VAV2: variants seen among roughly 807,000 people sequenced by gnomAD.
VAV2 encodes the protein vav guanine nucleotide exchange factor 2.
A neutral mutation model predicts 132.5 loss-of-function variants in VAV2; 67 were observed. The ratio of observed to expected loss-of-function variants is 0.51; its 90% confidence interval spans 0.42 to 0.62. VAV2 has a LOEUF of 0.62. Ranked by LOEUF, VAV2 falls within the 20% of genes least tolerant of loss-of-function variation. The pLI is 0.00. For missense variants in VAV2, 938 were observed against 1,153.6 expected (o/e 0.81, Z 2.71); for synonymous variants, 492 against 443.5 (o/e 1.11, Z -1.37).
chr9:133,894,432 A>C (rs1839113517), intron 2 of VAV2, among the ~76,000 whole-genome samples: 2 of 152,244 alleles, frequency 1.3e-5, no homozygotes, highest in South Asian at 4.1e-4. Flanking sequence ...AGGAGCCACA[A>C]GGATCACAGG....
At chr9:133,797,906 C>A in intron 9 of VAV2, 97 bp from the exon 10 acceptor site, 1 of 1,104,156 alleles carries the variant, frequency 9.1e-7, no homozygotes, top group Admixed American at 2.3e-5. Context: ...GCTGTAGGTG[C>A]GCAACCAACA....
chr9:133,816,201 C>T (rs924491449), intron 4 of VAV2, among the ~76,000 whole-genome samples: 8 of 152,216 alleles, frequency 5.3e-5, no homozygotes, highest in East Asian at 1.9e-4. Flanking sequence ...TTATTGAATT[C>T]GGTGAGTTCT....
In VAV2 at chr9:133,879,598, G is replaced by A. The variant is rs143907566; in HGVS notation, c.322-18166C>T. 7.2e-4 allele frequency among the ~76,000 whole-genome samples: 109 copies of A among 152,238 alleles called. No individual in the cohort carries two copies. The highest frequency in any genetic ancestry group is 1.3e-3 in the Admixed American group (20 of 15,302). On this transcript the variant is annotated intron_variant, in intron 2 of 29. Coordinates refer to ENST00000371850, the MANE Select transcript of VAV2 (RefSeq NM_001134398.2). This position sits in a 1 kb window ranked among gnomAD's most constrained non-coding sequence, Gnocchi z 4.4. Reference sequence around the variant, plus strand: ...TTACAGACCCACAGGGCAACCAAGTGCACATCTGAGTCCTCTGCCAAATGC... The same window carrying A: ...TTACAGACCCACAGGGCAACCAAGTACACATCTGAGTCCTCTGCCAAATGC...
At chr9:133,952,874 A>T (rs1272583225) in intron 1 of VAV2, among the ~76,000 whole-genome samples, 2 of 90,174 alleles carry the variant, frequency 2.2e-5, no homozygotes, top group Non-Finnish European at 4.6e-5. Flanking sequence ...CCCCCGGGAC[A>T]CCTAGAACCT....
At chr9:133,960,486 A>T (rs570894765) in intron 1 of VAV2, among the ~76,000 whole-genome samples, 1 of 152,160 alleles carries the variant, frequency 6.6e-6, no homozygotes, top group Non-Finnish European at 1.5e-5. Context: ...CATGCATGGG[A>T]GGAGTCATGA....
At chr9:133,795,439 T>C (rs1834669577) in intron 12 of VAV2, among the ~76,000 whole-genome samples, 2 of 151,804 alleles carry the variant, frequency 1.3e-5, no homozygotes, top group African/African-American at 4.8e-5. Flanking sequence ...ACAGGTGAGG[T>C]TAGGACTCGG....
chr9:133,931,059 A>G (rs1840670263), intron 2 of VAV2, among the ~76,000 whole-genome samples: 1 of 152,206 alleles, frequency 6.6e-6, no homozygotes, highest in Non-Finnish European at 1.5e-5. Flanking sequence ...GTGAGGCTGG[A>G]GTGAAGTGCA....
chr9:133,956,600 T>C (rs952001685), intron 1 of VAV2, among the ~76,000 whole-genome samples: 4 of 152,222 alleles, frequency 2.6e-5, no homozygotes, highest in African/African-American at 9.6e-5. Context: ...AGTTAGTTCC[T>C]GAGAAGTCAG....
chr9:133,874,647 C>T (rs756947681), intron 2 of VAV2, among the ~76,000 whole-genome samples: 52 of 151,952 alleles, frequency 3.4e-4, no homozygotes, highest in Non-Finnish European at 6.9e-4. Flanking sequence ...GTTCTGGCCT[C>T]CCCCACACCA....
At chr9:133,822,858 G>A (rs1264844963) in intron 4 of VAV2, among the ~76,000 whole-genome samples, 1 of 152,182 alleles carries the variant, frequency 6.6e-6, no homozygotes, top group Non-Finnish European at 1.5e-5. Flanking sequence ...GAATGTCCCG[G>A]GCCACAGCAC....
At chr9:133,872,749 T>G (rs1437994504) in intron 2 of VAV2, among the ~76,000 whole-genome samples, 1 of 146,160 alleles carries the variant, frequency 6.8e-6, no homozygotes, top group Non-Finnish European at 1.5e-5. Flanking sequence ...AGGCGGCCAC[T>G]CCAACCATGG....
chr9:133,888,671 T>C (rs2131962895), intron 2 of VAV2, among the ~76,000 whole-genome samples: 1 of 152,094 alleles, frequency 6.6e-6, no homozygotes, highest in South Asian at 2.1e-4. Flanking sequence ...AAGACCAACG[T>C]CCCCCAAACA....
chr9:133,860,405 T>A (rs1837549782), intron 3 of VAV2, among the ~76,000 whole-genome samples: 1 of 151,946 alleles, frequency 6.6e-6, no homozygotes. Context: ...TCCCCGTGGG[T>A]TTAGGAACAT....
At chr9:133,985,367 C>T (rs1171134657) in intron 1 of VAV2, among the ~76,000 whole-genome samples, 2 of 152,038 alleles carry the variant, frequency 1.3e-5, no homozygotes, top group Non-Finnish European at 2.9e-5. Flanking sequence ...CTGCAACCTC[C>T]GCCTTCCGGG....
At chr9:133,842,302 G>A (rs150195362) in intron 3 of VAV2, among the ~76,000 whole-genome samples, 123 of 152,350 alleles carry the variant, frequency 8.1e-4, no homozygotes, top group African/African-American at 2.8e-3. Context: ...GCCAAGGACC[G>A]TGTTCACCAG....
chr9:133,816,438 G>A (rs796551808), intron 4 of VAV2, among the ~76,000 whole-genome samples: 14 of 152,234 alleles, frequency 9.2e-5, no homozygotes, highest in Admixed American at 5.2e-4. Context: ...TTTTCTTATC[G>A]GAACTTCATA....
chr9:133,989,943 C>G (rs1360974250), intron 1 of VAV2, among the ~76,000 whole-genome samples: 5 of 152,266 alleles, frequency 3.3e-5, no homozygotes, highest in African/African-American at 1.2e-4. Context: ...CTCAGCGACA[C>G]AGGGCACTAC....
chr9:133,847,771 C>T (rs1406889425), intron 3 of VAV2, among the ~76,000 whole-genome samples: 1 of 152,192 alleles, frequency 6.6e-6, no homozygotes, highest in Admixed American at 6.5e-5. Context: ...TCAAGGGGAA[C>T]ATTTAATGAG....
rs146078250 is a variant in VAV2, at chr9:133,779,927, C to T, written c.1753G>A (p.Ala585Thr). ...TSPADLDASG[A>T]GPGPKMVAMQ... ...GGTCCAGAAGACTCACCTGGTCCCG[C>T]TCCGGAGGCGTCCTGTGAGGACAAG... Residue 585 changes from alanine to threonine, a missense_variant, in exon 21 of 30, where the codon GCG (alanine) becomes ACG (threonine). Physicochemically the swap from Ala to Thr is moderately conservative, Grantham distance 58. Transcript: ENST00000371850. 5 of 1,612,424 alleles carry T rather than the reference C, an allele frequency of 3.1e-6. No homozygotes were observed. Among genetic ancestry groups the T allele is most frequent in the Non-Finnish European group, 2.5e-6 (3 of 1,179,662 alleles).
Sources: gnomAD v4.1 joint callset for allele counts (sites outside exome capture counted in the v4.1 genomes callset) on GRCh38, gnomAD v4.1.1 for gene constraint, Gnocchi (gnomAD v3.1) non-coding constraint, MANE v1.5 for transcripts, NCBI Gene and HGNC (gene_info 2026-07-23, HGNC 2026-07-21) for gene names.